ATG10: variants seen among roughly 807,000 people sequenced by gnomAD.
ATG10 encodes ubiquitin-like-conjugating enzyme ATG10.
In ATG10, 30 loss-of-function variants were observed where a neutral mutation model predicts 32.1. The ratio of observed to expected loss-of-function variants is 0.94; its 90% CI spans 0.70 to 1.27. The LOEUF (loss-of-function observed/expected upper bound fraction) is 1.27. Ranked by LOEUF, ATG10 falls within the 50% of genes most tolerant of loss-of-function variation. The pLI is 0.00. For synonymous variants in ATG10, 87 were observed against 91.5 expected (o/e 0.95, Z 0.28); for missense variants, 233 against 262.3 (o/e 0.89, Z 0.77).
rs546564519 is a variant in ATG10, at chr5:82,208,927, T to C, written c.453+30340T>C. 8.5e-5 allele frequency among the ~76,000 whole-genome samples: 13 copies of C among 152,346 alleles called. No homozygotes were observed. The South Asian group carries it at 2.7e-3, about 32-fold the overall frequency. On this transcript the variant is annotated intron_variant, in intron 5 of 7. Coordinates refer to ENST00000282185, the MANE Select transcript of ATG10 (RefSeq NM_031482.5). ...TAACATTTTGCTTGGGACATTTTCA[T>C]TCATATTCATAAGAGAAATTAGCCT...
At chr5:82,022,696 C>A (rs1762478687) in intron 2 of ATG10, among the ~76,000 whole-genome samples, 1 of 147,276 alleles carries the variant, frequency 6.8e-6, no homozygotes, top group Non-Finnish European at 1.5e-5. Flanking sequence ...CTGTTATTTA[C>A]ATATATCTCA....
chr5:82,111,873 C>T (rs1393791620), intron 3 of ATG10, among the ~76,000 whole-genome samples: 2 of 151,818 alleles, frequency 1.3e-5, no homozygotes, highest in South Asian at 2.1e-4. Context: ...ATATTTACAG[C>T]GTGATAGATG....
rs1264427142 is a variant in ATG10, at chr5:82,255,335, T to G, written c.*1272T>G. The G allele has an allele frequency of 6.6e-6, 1 of 152,242 alleles. No homozygotes were observed. The highest frequency in any genetic ancestry group is 1.5e-5 in the Non-Finnish European group (1 of 68,048). 9.4% of individuals were successfully genotyped at this position (152,242 alleles called of 1,614,324 possible). A position where few individuals can be genotyped will look rare whatever the true frequency, so the allele number is the denominator to read the frequency against. On this transcript the variant is annotated 3_prime_UTR_variant, in exon 8 of 8. Transcript: ENST00000282185. ...TTTCTTGTATATAATTGGTATTCAC[T>G]AAGGCTGTAAATAAGTTTCATAGCC...
intron 5 of ATG10, among the ~76,000 whole-genome samples, chr5:82,230,647 C>T (rs1384653055): frequency 2.0e-5 from 3 of 146,698 alleles, no homozygotes; most frequent in Non-Finnish European, 4.5e-5. Flanking sequence ...GCAAGAGAAT[C>T]GCTTGAACCG....
intron 5 of ATG10, among the ~76,000 whole-genome samples, chr5:82,186,382 C>CCACA (rs1465116619): frequency 6.6e-6 from 1 of 152,142 alleles, no homozygotes; most frequent in Non-Finnish European, 1.5e-5. Context: ...AGTGATTCTG[C>CCACA]CACACTTTAT....
At chr5:82,088,028 A>C (rs1283963882) in intron 3 of ATG10, among the ~76,000 whole-genome samples, 1 of 152,184 alleles carries the variant, frequency 6.6e-6, no homozygotes, top group Middle Eastern at 3.2e-3. Context: ...AATAAATAAA[A>C]AGAAAGAAAA....
intron 5 of ATG10, among the ~76,000 whole-genome samples, chr5:82,195,186 T>C (rs529241926): frequency 1.3e-5 from 2 of 152,184 alleles, no homozygotes; most frequent in Non-Finnish European, 2.9e-5. Flanking sequence ...TTGCCAACAT[T>C]TGCTTTGATA....
chr5:82,213,153 C>A (rs149598991), intron 5 of ATG10, among the ~76,000 whole-genome samples: 1 of 152,260 alleles, frequency 6.6e-6, no homozygotes, highest in African/African-American at 2.4e-5. Context: ...GAACTTTTTG[C>A]GTCTATTTAT....
intron 3 of ATG10, among the ~76,000 whole-genome samples, chr5:82,132,192 T>C (rs991533789): frequency 1.2e-4 from 18 of 152,232 alleles, no homozygotes; most frequent in African/African-American, 4.1e-4. Flanking sequence ...TGTAAGAGTG[T>C]GTACTATAGT....
chr5:82,204,397 T>C (rs1158651572), intron 5 of ATG10, among the ~76,000 whole-genome samples: 2 of 152,224 alleles, frequency 1.3e-5, no homozygotes, highest in African/African-American at 4.8e-5. Flanking sequence ...ATAATGCCAG[T>C]TTATTTATCT....
At chr5:82,103,384 TAGC>T (rs1765341835) in intron 3 of ATG10, among the ~76,000 whole-genome samples, 1 of 152,202 alleles carries the variant, frequency 6.6e-6, no homozygotes, top group African/African-American at 2.4e-5. Flanking sequence ...CCAAAAGTCC[TAGC>T]CCTTTATTCC....
chr5:82,040,565 A>C (rs778518904), intron 2 of ATG10, among the ~76,000 whole-genome samples: 3 of 152,208 alleles, frequency 2.0e-5, no homozygotes, highest in Non-Finnish European at 4.4e-5. Flanking sequence ...TTTGTGAAAA[A>C]CTTATTTTAA....
At chr5:82,015,566 A>G (rs555180120) in intron 2 of ATG10, among the ~76,000 whole-genome samples, 8 of 152,032 alleles carry the variant, frequency 5.3e-5, no homozygotes, top group African/African-American at 9.7e-5. Context: ...TCTCGCTTCA[A>G]TTCATTCATT....
At chr5:81,974,266 CA>C (rs1760809884) in intron 1 of ATG10, among the ~76,000 whole-genome samples, 1 of 152,028 alleles carries the variant, frequency 6.6e-6, no homozygotes, top group African/African-American at 2.4e-5. Flanking sequence ...CAAATGTTTT[CA>C]GGGGACAAGC....
chr5:82,116,820 A>G (rs1162073673), intron 3 of ATG10, among the ~76,000 whole-genome samples: 1 of 152,100 alleles, frequency 6.6e-6, no homozygotes, highest in African/African-American at 2.4e-5. Flanking sequence ...ACCAGGGTAA[A>G]ACATCATATG....
intron 1 of ATG10, among the ~76,000 whole-genome samples, chr5:81,980,444 T>A (rs774641642): frequency 6.6e-6 from 1 of 152,100 alleles, no homozygotes; most frequent in Non-Finnish European, 1.5e-5. Context: ...AAGTGTTCCT[T>A]CGTCTCTCTC....
At chr5:82,022,833 A>C (rs1218672233) in intron 2 of ATG10, among the ~76,000 whole-genome samples, 1 of 151,974 alleles carries the variant, frequency 6.6e-6, no homozygotes, top group Non-Finnish European at 1.5e-5. Flanking sequence ...AGGCAGGGTC[A>C]AGACTGGAAC....
intron 2 of ATG10, among the ~76,000 whole-genome samples, chr5:81,988,917 C>T (rs1761371033): frequency 6.6e-6 from 1 of 152,140 alleles, no homozygotes; most frequent in Non-Finnish European, 1.5e-5. Flanking sequence ...GCAGTCTCTG[C>T]CTCCTGGTTC....
At chr5:82,093,865 G>A (rs963120174) in intron 3 of ATG10, among the ~76,000 whole-genome samples, 3 of 152,078 alleles carry the variant, frequency 2.0e-5, no homozygotes, top group African/African-American at 7.2e-5. Flanking sequence ...GGGTTATTTT[G>A]CCCCATTACA....
Sources: gnomAD v4.1 joint callset for allele counts (sites outside exome capture counted in the v4.1 genomes callset) on GRCh38, gnomAD v4.1.1 for gene constraint, MANE v1.5 for transcripts, NCBI Gene and HGNC (gene_info 2026-07-23, HGNC 2026-07-21) for gene names.